LOC728743: variants seen among roughly 807,000 people sequenced by gnomAD.
the LOC728743 span, among the ~76,000 whole-genome samples, chr7:150,402,785 CG>C: frequency 6.6e-6 from 1 of 152,096 alleles, no homozygotes; most frequent in Non-Finnish European, 1.5e-5. Context: ...CTGGAGGATG[CG>C]GGGAGCAGGG....
chr7:150,410,260 C>G, the LOC728743 span: 2 of 398,646 alleles, frequency 5.0e-6, no homozygotes, highest in African/African-American at 2.1e-5. Context: ...GCACTGCACC[C>G]GGGCATGAGG....
At chr7:150,409,199 C>T in the LOC728743 span, among the ~76,000 whole-genome samples, 1 of 149,966 alleles carries the variant, frequency 6.7e-6, no homozygotes, top group East Asian at 2.0e-4. Flanking sequence ...GGGAGGTTTG[C>T]CCTACAAAGG....
chr7:150,408,980 G>A, the LOC728743 span, among the ~76,000 whole-genome samples: 1 of 152,192 alleles, frequency 6.6e-6, no homozygotes, highest in African/African-American at 2.4e-5. Flanking sequence ...CTCACACTCG[G>A]TGTGTGACGC....
the LOC728743 span, chr7:150,411,368 C>T: frequency 1.1e-3 from 174 of 152,666 alleles, 1 homozygote; most frequent in African/African-American, 4.0e-3. Flanking sequence ...GGTGAGAGGT[C>T]GGTGGAGGAT....
At chr7:150,407,393 G>C in the LOC728743 span, among the ~76,000 whole-genome samples, 59 of 152,280 alleles carry the variant, frequency 3.9e-4, 1 homozygote, top group East Asian at 3.7e-3. Flanking sequence ...AGTGTAGGCC[G>C]TGCTTAAAAG....
At chr7:150,402,155 A>G in the LOC728743 span, among the ~76,000 whole-genome samples, 1 of 152,244 alleles carries the variant, frequency 6.6e-6, no homozygotes, top group African/African-American at 2.4e-5. Flanking sequence ...TGGAAAGGGA[A>G]AAAAGGGTTT....
At chr7:150,408,270 C>T in the LOC728743 span, 16 of 377,782 alleles carry the variant, frequency 4.2e-5, no homozygotes, top group Non-Finnish European at 6.6e-5. Context: ...CCCGCACGTG[C>T]GTCCCCGACC....
chr7:150,402,204 T>C, the LOC728743 span, among the ~76,000 whole-genome samples: 1 of 152,200 alleles, frequency 6.6e-6, no homozygotes, highest in African/African-American at 2.4e-5. Flanking sequence ...GAATTAACCA[T>C]CTCCAGTGTG....
the LOC728743 span, chr7:150,410,214 G>A: frequency 3.5e-5 from 14 of 398,554 alleles, no homozygotes; most frequent in African/African-American, 2.5e-4. Context: ...ATCTGGACAC[G>A]GAGACCAGGA....
At chr7:150,401,853 G>T in the LOC728743 span, among the ~76,000 whole-genome samples, 1 of 152,180 alleles carries the variant, frequency 6.6e-6, no homozygotes, top group Non-Finnish European at 1.5e-5. Flanking sequence ...ATAGCCCCAC[G>T]TAGCTACTGG....
At chr7:150,404,501 CCA>C in the LOC728743 span, 1 of 152,294 alleles carries the variant, frequency 6.6e-6, no homozygotes, top group African/African-American at 2.4e-5. Flanking sequence ...GGGATAAAAC[CCA>C]CACAAGGTAG....
At chr7:150,405,346 C>A in the LOC728743 span, 19 of 152,368 alleles carry the variant, frequency 1.2e-4, no homozygotes, top group African/African-American at 4.3e-4. Flanking sequence ...GCGCTGGGGC[C>A]GCGGCGGGAG....
the LOC728743 span, among the ~76,000 whole-genome samples, chr7:150,402,942 AC>A: frequency 2.6e-5 from 4 of 152,248 alleles, no homozygotes; most frequent in East Asian, 7.7e-4. Flanking sequence ...CAACACATCT[AC>A]CCACACGGGA....
chr7:150,402,978 C>T, the LOC728743 span, among the ~76,000 whole-genome samples: 1 of 152,178 alleles, frequency 6.6e-6, no homozygotes, highest in Non-Finnish European at 1.5e-5. Context: ...TTCTCCAGGA[C>T]GCCTTGGTTG....
At chr7:150,410,166 A>C in the LOC728743 span, 15 of 398,626 alleles carry the variant, frequency 3.8e-5, 1 homozygote, top group Middle Eastern at 1.9e-3. Flanking sequence ...ACAGTTGCAG[A>C]GTGGGCAGGA....
At chr7:150,409,251 G>C in the LOC728743 span, among the ~76,000 whole-genome samples, 5 of 151,994 alleles carry the variant, frequency 3.3e-5, no homozygotes, top group Admixed American at 6.5e-5. Flanking sequence ...TTTTTAATGA[G>C]ATGAGTGCTA....
chr7:150,406,648 G>A, the LOC728743 span, among the ~76,000 whole-genome samples: 7 of 152,284 alleles, frequency 4.6e-5, no homozygotes, highest in East Asian at 1.4e-3. Context: ...TCTCAGGGCT[G>A]TTGTGAGGAC....
chr7:150,406,252 A>T, the LOC728743 span, among the ~76,000 whole-genome samples: 5 of 152,096 alleles, frequency 3.3e-5, no homozygotes, highest in Admixed American at 1.3e-4. Flanking sequence ...GCCTTCGGGG[A>T]GGTCCAGTGG....
At chr7:150,401,872 GCCCCAGGGATGA>G in the LOC728743 span, among the ~76,000 whole-genome samples, 1 of 152,178 alleles carries the variant, frequency 6.6e-6, no homozygotes, top group Non-Finnish European at 1.5e-5. Context: ...GGGCATAACA[GCCCCAGGGATGA>G]TAGGATGACA....
Sources: gnomAD v4.1 joint callset for allele counts (sites outside exome capture counted in the v4.1 genomes callset) on GRCh38, gnomAD v4.1.1 for gene constraint, MANE v1.5 for transcripts.